GMDS: variants seen among roughly 807,000 people sequenced by gnomAD.
GMDS encodes GDP-mannose 4,6-dehydratase.
GMDS carries 20 observed loss-of-function variants against 49.9 expected under a neutral mutation model. That is an observed-to-expected ratio of 0.40 (90% CI 0.28 to 0.58). GMDS has a LOEUF of 0.58. Among genes scored for constraint, GMDS ranks in the 20% least tolerant of loss-of-function variants. The pLI, the probability that GMDS is intolerant of heterozygous loss-of-function variation, is 0.42. For synonymous variants in GMDS, 177 were observed against 178.6 expected, an observed-to-expected ratio of 0.99 and a Z score of 0.07; for missense variants, 362 against 481.4, an observed-to-expected ratio of 0.75 and a Z score of 2.32.
At chr6:1,768,082 G>A (rs1207785509) in intron 7 of GMDS, among the ~76,000 whole-genome samples, 1 of 152,096 alleles carries the variant, frequency 6.6e-6, no homozygotes, top group African/African-American at 2.4e-5. Context: ...GTTACTATAT[G>A]AAGCAGAAGA....
chr6:2,109,355 C>CTTAAGTT (rs907922523), intron 4 of GMDS, among the ~76,000 whole-genome samples: 7 of 152,120 alleles, frequency 4.6e-5, no homozygotes, highest in African/African-American at 1.4e-4. Context: ...GAAGCTGATG[C>CTTAAGTT]TTAAGTTCGA....
chr6:1,739,373 G>T (rs138251951), intron 8 of GMDS, among the ~76,000 whole-genome samples: 1 of 152,310 alleles, frequency 6.6e-6, no homozygotes, highest in East Asian at 1.9e-4. Flanking sequence ...CTCCAGGCTC[G>T]CCCTAACCAC....
chr6:2,225,463 T>C (rs1412988868), intron 1 of GMDS, among the ~76,000 whole-genome samples: 1 of 152,194 alleles, frequency 6.6e-6, no homozygotes, highest in Non-Finnish European at 1.5e-5. Flanking sequence ...TGAAGTGCAA[T>C]ACCAAACTGC....
chr6:2,152,851 C>T (rs1776908602), intron 1 of GMDS, among the ~76,000 whole-genome samples: 1 of 151,948 alleles, frequency 6.6e-6, no homozygotes, highest in African/African-American at 2.4e-5. Flanking sequence ...ATAACTATAT[C>T]AGAGATACCA....
intron 7 of GMDS, among the ~76,000 whole-genome samples, chr6:1,750,606 C>T (rs146569768): frequency 2.6e-5 from 4 of 152,260 alleles, no homozygotes; most frequent in East Asian, 3.9e-4. Flanking sequence ...GAGATTCCTT[C>T]GGGTGCCTAT....
At chr6:2,056,971 A>G (rs565440985) in intron 4 of GMDS, among the ~76,000 whole-genome samples, 2 of 152,356 alleles carry the variant, frequency 1.3e-5, no homozygotes, top group African/African-American at 4.8e-5. Flanking sequence ...CCATTTCTGT[A>G]TAAATACAGC....
At chr6:1,706,488 T>C (rs1178007929) in intron 9 of GMDS, among the ~76,000 whole-genome samples, 1 of 152,252 alleles carries the variant, frequency 6.6e-6, no homozygotes, top group Non-Finnish European at 1.5e-5. Flanking sequence ...ATGAGAACGA[T>C]GCTGAAGTCT....
intron 1 of GMDS, among the ~76,000 whole-genome samples, chr6:2,164,697 A>G (rs1297888310): frequency 6.6e-6 from 1 of 152,164 alleles, no homozygotes; most frequent in African/African-American, 2.4e-5. Flanking sequence ...TGGGAGTTCA[A>G]TTTGCATCAT....
chr6:2,118,549 T>G (rs1774971866), intron 2 of GMDS, among the ~76,000 whole-genome samples: 1 of 152,178 alleles, frequency 6.6e-6, no homozygotes, highest in South Asian at 2.1e-4. Context: ...CGGAGGTAAA[T>G]TATAAGAATA....
At chr6:1,869,782 A>G (rs1758630523) in intron 7 of GMDS, among the ~76,000 whole-genome samples, 1 of 152,222 alleles carries the variant, frequency 6.6e-6, no homozygotes, top group African/African-American at 2.4e-5. Flanking sequence ...CATTTAGTGG[A>G]TGGCGTCCCC....
intron 7 of GMDS, among the ~76,000 whole-genome samples, chr6:1,751,569 C>T (rs771918176): frequency 2.0e-5 from 3 of 152,238 alleles, no homozygotes; most frequent in Non-Finnish European, 2.9e-5. Flanking sequence ...TCTCAGCTCA[C>T]TGCAACCTCC....
chr6:1,951,935 C>A, intron 6 of GMDS: 1 of 985,126 alleles, frequency 1.0e-6, no homozygotes, highest in East Asian at 1.1e-4. Flanking sequence ...CACTGCCAAG[C>A]TGAGGTGGCC....
At chr6:1,896,208 A>T (rs1998519) in intron 7 of GMDS, among the ~76,000 whole-genome samples, 1 of 152,188 alleles carries the variant, frequency 6.6e-6, no homozygotes, top group African/African-American at 2.4e-5. Flanking sequence ...GAGGATGTTC[A>T]GCAGCATCCT....
intron 1 of GMDS, among the ~76,000 whole-genome samples, chr6:2,171,886 C>T (rs1028431642): frequency 6.6e-6 from 1 of 152,062 alleles, no homozygotes; most frequent in Non-Finnish European, 1.5e-5. Context: ...ACTAAAATGT[C>T]AACAGAACTT....
chr6:1,724,690 C>T (rs1355583102), intron 9 of GMDS, among the ~76,000 whole-genome samples: 1 of 152,174 alleles, frequency 6.6e-6, no homozygotes, highest in African/African-American at 2.4e-5. Context: ...ACATCTCTGT[C>T]GCACCTCATC....
chr6:1,687,773 G>A (rs1296951584), intron 9 of GMDS, among the ~76,000 whole-genome samples: 7 of 151,986 alleles, frequency 4.6e-5, no homozygotes, highest in Non-Finnish European at 1.5e-5. Context: ...ACTTTCTGGG[G>A]GAGGAGCAGG....
chr6:1,999,932 TA>T (rs1766570333), intron 4 of GMDS, among the ~76,000 whole-genome samples: 1 of 69,816 alleles, frequency 1.4e-5, no homozygotes, highest in Non-Finnish European at 2.7e-5. Flanking sequence ...TATTATATAT[TA>T]TTATATATAA....
intron 4 of GMDS, among the ~76,000 whole-genome samples, chr6:2,092,498 T>A (rs898134860): frequency 6.6e-6 from 1 of 152,228 alleles, no homozygotes; most frequent in Non-Finnish European, 1.5e-5. Context: ...TATAGACTAT[T>A]GTAATTATAT....
chr6:1,770,117 G>A (rs1188916198), intron 7 of GMDS, among the ~76,000 whole-genome samples: 1 of 152,176 alleles, frequency 6.6e-6, no homozygotes, highest in Non-Finnish European at 1.5e-5. Context: ...ATTTTTAAAA[G>A]CACTTATTAT....
Sources: gnomAD v4.1 joint callset for allele counts (sites outside exome capture counted in the v4.1 genomes callset) on GRCh38, gnomAD v4.1.1 for gene constraint, MANE v1.5 for transcripts, NCBI Gene and HGNC (gene_info 2026-07-23, HGNC 2026-07-21) for gene names.